Variants in PGR observed in about 807,000 individuals in gnomAD.
PGR encodes the protein nuclear receptor subfamily 3 group C member 3.
Under a neutral mutation model 76.1 loss-of-function variants are expected in PGR, and 25 were observed. That is an observed-to-expected ratio of 0.33 (90% CI 0.24 to 0.46). The LOEUF is 0.46. PGR is among the 20% of genes least tolerant of loss of function. The probability of loss-of-function intolerance (pLI) is 1.00; values close to 1 mark genes in which losing one functional copy is unlikely to be tolerated. For missense variants in PGR, 1,172 were observed against 1,225.3 expected, an observed-to-expected ratio of 0.96 and a Z score of 0.65; for synonymous variants, 579 against 535.0, an observed-to-expected ratio of 1.08 and a Z score of -1.14.
Position 101,032,292 on chromosome 11 carries a change from C to T in PGR, c.*6824G>A, listed in dbSNP as rs1386601203. 1.7e-5 allele frequency: 4 copies of T among 232,768 alleles called. No homozygotes were observed. Among genetic ancestry groups the T allele is most frequent in the Non-Finnish European group, 3.4e-5 (4 of 117,898 alleles). 14.4% of individuals were successfully genotyped at this position (232,768 alleles called of 1,614,324 possible). On this transcript the variant is annotated 3_prime_UTR_variant, in exon 8 of 8. Coordinates refer to ENST00000325455, the MANE Select transcript of PGR (RefSeq NM_000926.4). ...CATTTTCACCAAAATAGTGCAACTT[C>T]CTCAAAAATGTTCTCCCTGCTTCCA...
At chr11:101,040,754 C>T (rs1015287763) in intron 7 of PGR, among the ~76,000 whole-genome samples, 2 of 151,956 alleles carry the variant, frequency 1.3e-5, no homozygotes, top group African/African-American at 4.8e-5. Flanking sequence ...GCCTCTACAC[C>T]GGACCCTTTT....
intron 1 of PGR, among the ~76,000 whole-genome samples, chr11:101,126,410 C>T (rs544648937): frequency 6.6e-6 from 1 of 152,218 alleles, no homozygotes; most frequent in East Asian, 1.9e-4. Flanking sequence ...AATATTATGT[C>T]CTAGAAAGTT....
chr11:101,124,655 C>T (rs1429484091), intron 2 of PGR, among the ~76,000 whole-genome samples: 1 of 152,036 alleles, frequency 6.6e-6, no homozygotes, highest in African/African-American at 2.4e-5. Context: ...TTTAAGAAAC[C>T]AGAACCAAAG....
intron 2 of PGR, among the ~76,000 whole-genome samples, chr11:101,096,539 A>C (rs1861838669): frequency 6.6e-6 from 1 of 152,262 alleles, no homozygotes; most frequent in Non-Finnish European, 1.5e-5. Context: ...AGAGCCACCA[A>C]GAATGCAATG....
intron 2 of PGR, among the ~76,000 whole-genome samples, chr11:101,123,628 G>A: frequency 6.6e-6 from 1 of 152,070 alleles, no homozygotes; most frequent in East Asian, 1.9e-4. Flanking sequence ...TACACTTAAA[G>A]CTCTCCTCAA....
Position 101,039,089 on chromosome 11 carries a change from T to G in PGR, c.*27A>C. The stretch of plus-strand genomic sequence containing the variant: ...AAACAAAAAGACATACCACAAAATT[T>G]AATTCTTTAAAAGAAAAAGATGACA... On this transcript the variant is annotated 3_prime_UTR_variant, in exon 8 of 8. Transcript: ENST00000325455. 6.3e-7 allele frequency: 1 copy of G among 1,592,040 alleles called. No individual in the cohort carries two copies. Among genetic ancestry groups the G allele is most frequent in the Non-Finnish European group, 8.6e-7 (1 of 1,161,048 alleles).
rs11224602 is a variant in PGR at position 101,121,547 on chromosome 11, G to A, written c.1789+4460C>T. On this transcript the variant is annotated intron_variant, in intron 2 of 7. Coordinates refer to ENST00000325455, the MANE Select transcript of PGR (RefSeq NM_000926.4). Reference sequence around the variant, plus strand: ...CATAAAAGTATTTCATTTCTGTCTAGTTTCCTCTGCAGTCTATTTATTGTG... The same window carrying A: ...CATAAAAGTATTTCATTTCTGTCTAATTTCCTCTGCAGTCTATTTATTGTG... Among the ~76,000 whole-genome samples the A allele has an allele frequency of 3.6e-3, 547 of 152,296 alleles. 4 individuals are homozygous for A. The highest frequency in any genetic ancestry group is 0.012 in the African/African-American group (518 of 41,580).
In PGR at chr11:101,098,068, G is replaced by A. The variant is rs185927219; in HGVS notation, c.1790-6192C>T. Among the ~76,000 whole-genome samples, 6 of 152,154 alleles carry A rather than the reference G, an allele frequency of 3.9e-5. No homozygotes were observed. In the East Asian group the frequency reaches 1.2e-3, roughly 29 times the overall value. ...TGAGATTACAGGCGTGAGCCACCGT[G>A]CCCAGCCCCAAGTGTTACTCTTAAT... On this transcript the variant is annotated intron_variant, in intron 2 of 7. Coordinates refer to ENST00000325455, the MANE Select transcript of PGR (RefSeq NM_000926.4).
At chr11:101,073,858 A>G (rs536322592) in intron 3 of PGR, among the ~76,000 whole-genome samples, 3 of 152,266 alleles carry the variant, frequency 2.0e-5, no homozygotes, top group Non-Finnish European at 4.4e-5. Context: ...CAACCAAAAA[A>G]ACCCCAGGAC....
chr11:101,043,296 A>G (rs897065926), intron 6 of PGR, among the ~76,000 whole-genome samples: 11 of 152,200 alleles, frequency 7.2e-5, no homozygotes, highest in African/African-American at 2.4e-4. Flanking sequence ...GCTCATCCAT[A>G]AGAAACAACT....
rs1422767781 is a variant in PGR, at chr11:101,032,166, C to A, written c.*6950G>T. On this transcript the variant is annotated 3_prime_UTR_variant, in exon 8 of 8. Transcript: ENST00000325455. The stretch of plus-strand genomic sequence containing the variant: ...TTATATGGTGTATTTCATCTCCTTT[C>A]GTCAGTCCTGTCAATGTTCCTATGT... 4.3e-6 allele frequency: 1 copy of A among 232,856 alleles called. No homozygotes were observed. Among genetic ancestry groups the A allele is most frequent in the East Asian group, 6.1e-5 (1 of 16,476 alleles). The allele number at this position is 232,856 out of a possible 1,614,324, so 14.4% of individuals were successfully genotyped here. A position where few individuals can be genotyped will look rare whatever the true frequency, so the allele number is the denominator to read the frequency against.
At chr11:101,042,146 T>C (rs1859713748) in intron 6 of PGR, 44 bp from the exon 7 acceptor site, 1 of 1,586,600 alleles carries the variant, frequency 6.3e-7, no homozygotes, top group African/African-American at 1.3e-5. Context: ...TATAAAAAGA[T>C]GACATTAACA....
rs558497155 is a variant in PGR, at chr11:101,108,579, G to A, written c.1790-16703C>T. ...TTCAATCAGTTGCTAATATCATCTC[G>A]TGCTTCAAACACAGTGCCCAGTGGT... On this transcript the variant is annotated intron_variant, in intron 2 of 7. Transcript: ENST00000325455. Among the ~76,000 whole-genome samples, 16 of 152,212 alleles carry A rather than the reference G, an allele frequency of 1.1e-4. 1 individual carries two copies. The highest frequency in any genetic ancestry group is 3.4e-3 in the Middle Eastern group (1 of 294).
intron 3 of PGR, among the ~76,000 whole-genome samples, chr11:101,080,461 A>G (rs2135438549): frequency 6.6e-6 from 1 of 151,474 alleles, no homozygotes; most frequent in East Asian, 1.9e-4. Flanking sequence ...ATACCATTAT[A>G]GGGAAAGAAA....
chr11:101,066,191 C>T (rs777500446), intron 3 of PGR, among the ~76,000 whole-genome samples: 1 of 152,174 alleles, frequency 6.6e-6, no homozygotes, highest in Admixed American at 6.5e-5. Context: ...TCAGGTCATT[C>T]CTCTCCTTAT....
intron 7 of PGR, 56 bp from the exon 8 acceptor site, chr11:101,039,327 C>T (rs1196167395): frequency 2.3e-6 from 3 of 1,286,320 alleles, no homozygotes; most frequent in East Asian, 4.9e-5. Context: ...AATTCATATG[C>T]TATTCAAACA....
intron 2 of PGR, among the ~76,000 whole-genome samples, chr11:101,105,178 C>T (rs1179121970): frequency 6.6e-6 from 1 of 152,144 alleles, no homozygotes; most frequent in Non-Finnish European, 1.5e-5. Flanking sequence ...GCCTTGAAGG[C>T]CACTGTAAGA....
At chr11:101,055,131 TG>T (rs1860241181) in intron 4 of PGR, among the ~76,000 whole-genome samples, 2 of 151,964 alleles carry the variant, frequency 1.3e-5, no homozygotes, top group African/African-American at 4.8e-5. Flanking sequence ...TACAAAAAAA[TG>T]GGCTGGGCGC....
intron 3 of PGR, among the ~76,000 whole-genome samples, chr11:101,085,063 A>G (rs1277099412): frequency 1.3e-5 from 2 of 152,218 alleles, no homozygotes; most frequent in African/African-American, 4.8e-5. Flanking sequence ...TCTGGACTTA[A>G]ACTCAATGCT....
Sources: allele counts gnomAD v4.1 joint callset (sites outside exome capture counted in the v4.1 genomes callset), GRCh38; gene constraint gnomAD v4.1.1; transcripts MANE v1.5; gene names NCBI Gene and HGNC (gene_info 2026-07-23, HGNC 2026-07-21).